The following WDR19 variants were observed in gnomAD, a reference collection of about 807,000 sequenced individuals.
WDR19 encodes WD repeat-containing protein 19.
In WDR19, 121 loss-of-function variants were observed where a neutral mutation model predicts 180.0. That is an observed-to-expected ratio of 0.67 (90% CI 0.58 to 0.78). The LOEUF (loss-of-function observed/expected upper bound fraction) is 0.78, where lower values mean the gene tolerates loss of function less well. WDR19 is among the 30% of genes least tolerant of loss of function. The pLI is 0.00. For missense variants in WDR19, 1,450 were observed against 1,640.7 expected (o/e 0.88, Z 2.01); for synonymous variants, 497 against 540.7 (o/e 0.92, Z 1.12).
intron 28 of WDR19, among the ~76,000 whole-genome samples, chr4:39,265,827 A>G (rs1316859622): frequency 6.6e-5 from 10 of 152,090 alleles, no homozygotes; most frequent in Admixed American, 6.6e-4. Flanking sequence ...TGTGAAAGAA[A>G]ATATGGTATT....
chr4:39,280,141 T>A (rs76138665), intron 36 of WDR19, among the ~76,000 whole-genome samples: 1,795 of 87,932 alleles, frequency 0.02, 53 homozygotes, highest in Middle Eastern at 0.066. Flanking sequence ...TTTTTTTTTT[T>A]AATAGAGGCA....
intron 9 of WDR19, 47 bp from the exon 10 acceptor site, chr4:39,214,554 A>T: frequency 8.7e-7 from 1 of 1,148,052 alleles, no homozygotes; most frequent in Non-Finnish European, 1.3e-6. Context: ...AAACAGTTTT[A>T]TATAAAGATC....
At chr4:39,282,887 T>C (rs572193881) in intron 36 of WDR19, among the ~76,000 whole-genome samples, 12 of 151,798 alleles carry the variant, frequency 7.9e-5, no homozygotes, top group Non-Finnish European at 1.5e-4. Flanking sequence ...TTATGTCTAG[T>C]AGTTGTACTG....
At chr4:39,214,391 GCAAA>G (rs916192557) in intron 9 of WDR19, among the ~76,000 whole-genome samples, 47 of 152,028 alleles carry the variant, frequency 3.1e-4, no homozygotes, top group African/African-American at 1.1e-3. Flanking sequence ...CACACAGTAA[GCAAA>G]CAAACAACAA....
intron 4 of WDR19, among the ~76,000 whole-genome samples, chr4:39,192,233 C>T (rs970224703): frequency 6.6e-6 from 1 of 152,116 alleles, no homozygotes; most frequent in Non-Finnish European, 1.5e-5. Context: ...TTCTCTGATA[C>T]TATTTTTAGC....
intron 33 of WDR19, chr4:39,275,243 G>A: frequency 2.6e-6 from 1 of 381,158 alleles, no homozygotes; most frequent in Non-Finnish European, 5.0e-6. Context: ...AGGAGGCTGG[G>A]GCAGGAGAAT....
rs776416706 is a variant in WDR19, at chr4:39,234,875, CGTAA to C, written c.2363+3_2363+6del. 4 of 1,550,116 alleles carry C rather than the reference CGTAA, an allele frequency of 2.6e-6. No homozygotes were observed. Among genetic ancestry groups the C allele is most frequent in the Non-Finnish European group, 3.5e-6 (4 of 1,143,534 alleles). ...GAATATGCTATTCAGCTTGAATTCGCGTAAGTCTTTGTTTTTATACATTTCAGTC... is the reference window on the plus strand; with the variant it reads ...GAATATGCTATTCAGCTTGAATTCGCGTCTTTGTTTTTATACATTTCAGTC... On this transcript the variant is annotated splice_donor_variant and splice_donor_region_variant and intron_variant, in intron 20 of 36. Transcript: ENST00000399820. LOFTEE classifies it high-confidence loss of function.
intron 9 of WDR19, among the ~76,000 whole-genome samples, chr4:39,210,192 T>C (rs912293963): frequency 6.6e-6 from 1 of 152,204 alleles, no homozygotes; most frequent in Non-Finnish European, 1.5e-5. Context: ...ATTACCTTTA[T>C]ACCAAGACCA....
At chr4:39,274,717 T>A in intron 32 of WDR19, 91 bp from the exon 33 acceptor site, 2 of 1,464,182 alleles carry the variant, frequency 1.4e-6, no homozygotes. Flanking sequence ...ACCATGACCC[T>A]GTTTTCCTAC....
At chr4:39,189,853 T>TCTTTAGCA (rs1460358942) in intron 4 of WDR19, 72 bp downstream of exon 4, 7 of 1,453,446 alleles carry the variant, frequency 4.8e-6, no homozygotes, top group Middle Eastern at 2.1e-4. Flanking sequence ...TGCTAACAAT[T>TCTTTAGCA]CTTTACTACT....
At chr4:39,280,649 C>G (rs1396028535) in intron 36 of WDR19, among the ~76,000 whole-genome samples, 1 of 152,000 alleles carries the variant, frequency 6.6e-6, no homozygotes, top group African/African-American at 2.4e-5. Context: ...GCTCAAAAAA[C>G]CAACCAACCA....
chr4:39,215,165 T>C (rs909294748), intron 10 of WDR19, among the ~76,000 whole-genome samples: 4 of 152,198 alleles, frequency 2.6e-5, no homozygotes, highest in Non-Finnish European at 5.9e-5. Context: ...TAGAAAGATA[T>C]GTCTACTTTG....
At chr4:39,267,315 G>T (rs1734912316) in intron 29 of WDR19, among the ~76,000 whole-genome samples, 1 of 152,120 alleles carries the variant, frequency 6.6e-6, no homozygotes, top group Non-Finnish European at 1.5e-5. Context: ...AGCTGGAGAG[G>T]ACCGTAGTGG....
intron 5 of WDR19, among the ~76,000 whole-genome samples, chr4:39,198,082 A>G (rs1726962215): frequency 6.6e-6 from 1 of 152,088 alleles, no homozygotes; most frequent in African/African-American, 2.4e-5. Flanking sequence ...GGCTCATGCA[A>G]TCCTCCCACC....
rs747799013 is a variant in WDR19 at position 39,273,038 on chromosome 4, A to G, written c.3542A>G (p.Asn1181Ser). The G allele has an allele frequency of 6.2e-7, 1 of 1,605,848 alleles. No individual in the cohort carries two copies. Among genetic ancestry groups the G allele is most frequent in the Admixed American group, 1.7e-5 (1 of 58,902 alleles). Reference sequence around the variant, plus strand: ...GCTCGCATGCTCATTCGGGTGGCCAACAACATCAGCAAATTTCCATCACGT... The same window carrying G: ...GCTCGCATGCTCATTCGGGTGGCCAGCAACATCAGCAAATTTCCATCACGT... ...KGARMLIRVA[N>S]NISKFPSHIV... is the part of the protein sequence containing the mutation. Residue 1181 changes from asparagine to serine, a missense_variant, in exon 32 of 37, where the codon AAC (asparagine) becomes AGC (serine). By Grantham distance (46) the Asn-to-Ser change is conservative (BLOSUM62 1). Coordinates refer to ENST00000399820, the MANE Select transcript of WDR19 (RefSeq NM_025132.4).
rs1364087117 is a variant in WDR19, at chr4:39,278,459, T to C, written c.3918-80T>C. 2.6e-6 allele frequency: 3 copies of C among 1,134,880 alleles called. No individual in the cohort carries two copies. The African/African-American group carries it at 4.7e-5, about 18-fold the overall frequency. The allele number at this position is 1,134,880 out of a possible 1,614,324, so 70.3% of individuals were successfully genotyped here. On this transcript the variant is annotated intron_variant, in intron 35 of 36. Coordinates refer to ENST00000399820, the MANE Select transcript of WDR19 (RefSeq NM_025132.4). ...GTTAAGAGGTGTAGACAGAAAGTTG[T>C]TGTCTTTCTCATTAGAGTAACCCAA...
At chr4:39,244,921 CTTTCTTTTTTTTT>C (rs1292882317) in intron 23 of WDR19, among the ~76,000 whole-genome samples, 3 of 139,876 alleles carry the variant, frequency 2.1e-5, no homozygotes, top group East Asian at 2.0e-4. Flanking sequence ...CCAAGATTTT[CTTTCTTTTTTTTT>C]TTTCTTTTTT....
intron 28 of WDR19, among the ~76,000 whole-genome samples, chr4:39,260,102 C>T (rs530811619): frequency 2.0e-4 from 30 of 152,036 alleles, no homozygotes; most frequent in Admixed American, 7.2e-4. Context: ...CGCCCCCACA[C>T]GCATACTTGC....
chr4:39,211,929 CAGAGAGAGAGAGAGAGAGAGAGAG>C (rs60128786), intron 9 of WDR19, among the ~76,000 whole-genome samples: 101 of 135,352 alleles, frequency 7.5e-4, no homozygotes, highest in African/African-American at 7.4e-4. Flanking sequence ...TATAGACAGA[CAGAGAGAGAGAGAGAGAGAGAGAG>C]AGAGAGAGAG....
Sources: allele counts gnomAD v4.1 joint callset (sites outside exome capture counted in the v4.1 genomes callset), GRCh38; gene constraint gnomAD v4.1.1; transcripts MANE v1.5; gene names NCBI Gene and HGNC (gene_info 2026-07-23, HGNC 2026-07-21).